Variants in EYS observed in about 807,000 individuals in gnomAD.
The protein encoded by EYS is EGF-like photoreceptor maintenance factor.
A neutral mutation model predicts 282.1 loss-of-function variants in EYS; 250 were observed. That is an observed-to-expected ratio of 0.89 (90% confidence interval 0.80 to 0.98). The LOEUF (loss-of-function observed/expected upper bound fraction) is 0.98. Among genes scored for constraint, EYS ranks in the 50% least tolerant of loss-of-function variants. The pLI is 0.00. For synonymous variants in EYS, 1,355 were observed against 1,282.9 expected, an observed-to-expected ratio of 1.06 and a Z score of -1.20; for missense variants, 4,016 against 3,709.0, an observed-to-expected ratio of 1.08 and a Z score of -2.15.
intron 5 of EYS, among the ~76,000 whole-genome samples, chr6:65,458,716 C>T (rs1243704924): frequency 6.6e-6 from 1 of 152,086 alleles, no homozygotes; most frequent in Non-Finnish European, 1.5e-5. Context: ...TATACCCAAT[C>T]TAAGCTACCT....
At chr6:64,584,349 G>T (rs935289149) in intron 26 of EYS, among the ~76,000 whole-genome samples, 6 of 151,678 alleles carry the variant, frequency 4.0e-5, no homozygotes, top group Non-Finnish European at 8.8e-5. Context: ...TTCCATGTCA[G>T]TATTTAATAA....
chr6:65,325,436 G>A (rs915369964), intron 11 of EYS, among the ~76,000 whole-genome samples: 1 of 152,148 alleles, frequency 6.6e-6, no homozygotes, highest in African/African-American at 2.4e-5. Context: ...CAATGGAGTT[G>A]AGAGAAATGA....
chr6:63,827,611 G>A (rs9351028), intron 36 of EYS, among the ~76,000 whole-genome samples: 73,686 of 151,946 alleles, frequency 0.48, 19,787 homozygotes, highest in Non-Finnish European at 0.6. Flanking sequence ...TTGGGAGGCC[G>A]AGGCGGGTGG....
rs543063556 is a variant in EYS at position 63,790,871 on chromosome 6, G to A, written c.7412-1647C>T. ...AGGTTATGGGAGTGGAGCCAGTATTGTGCCAGCCGAGCTGTAAGGTAGTGG... is the reference window on the plus strand; with the variant it reads ...AGGTTATGGGAGTGGAGCCAGTATTATGCCAGCCGAGCTGTAAGGTAGTGG... On this transcript the variant is annotated intron_variant, in intron 37 of 42. Coordinates refer to ENST00000503581, the MANE Select transcript of EYS (RefSeq NM_001142800.2). Among the ~76,000 whole-genome samples the A allele has an allele frequency of 1.4e-3, 212 of 152,286 alleles. 1 individual carries two copies. Among genetic ancestry groups the A allele is most frequent in the Non-Finnish European group, 2.6e-3 (180 of 68,024 alleles).
chr6:63,727,737 A>AAAAATATATATATATATATAT (rs1554164607), intron 41 of EYS, among the ~76,000 whole-genome samples: 7 of 36,720 alleles, frequency 1.9e-4, no homozygotes, highest in East Asian at 1.6e-3. Flanking sequence ...AAAAAAAAAA[A>AAAAATATATATATATATATAT]ATATATATAT....
chr6:65,508,454 A>G (rs1374882932), intron 2 of EYS, among the ~76,000 whole-genome samples: 1 of 151,984 alleles, frequency 6.6e-6, no homozygotes, highest in South Asian at 2.1e-4. Flanking sequence ...CGGGCAGATC[A>G]CGAGGTCAGG....
intron 22 of EYS, among the ~76,000 whole-genome samples, chr6:64,799,951 C>T (rs535006846): frequency 7.9e-5 from 12 of 151,992 alleles, no homozygotes; most frequent in Admixed American, 2.6e-4. Context: ...CATGCCCACA[C>T]ACAAATATAC....
chr6:64,678,967 A>G (rs1158145664), intron 22 of EYS, among the ~76,000 whole-genome samples: 2 of 151,174 alleles, frequency 1.3e-5, no homozygotes, highest in Non-Finnish European at 2.9e-5. Flanking sequence ...AGCCTTGGCG[A>G]TAGAGACTCC....
intron 36 of EYS, among the ~76,000 whole-genome samples, chr6:63,834,284 T>A (rs1372474738): frequency 6.6e-6 from 1 of 152,008 alleles, no homozygotes; most frequent in African/African-American, 2.4e-5. Flanking sequence ...CCCTACAGAA[T>A]GGGAGAAAAT....
At chr6:63,766,146 G>T (rs1769782613) in intron 40 of EYS, among the ~76,000 whole-genome samples, 1 of 151,936 alleles carries the variant, frequency 6.6e-6, no homozygotes. Context: ...TTACAGTTTT[G>T]CTTTGTGGGC....
chr6:63,755,414 A>G (rs561218661), intron 41 of EYS, among the ~76,000 whole-genome samples: 103 of 152,262 alleles, frequency 6.8e-4, no homozygotes, highest in Non-Finnish European at 1.3e-3. Context: ...TGTTTTTGTC[A>G]GGTTTGTCAA....
chr6:65,012,003 C>A (rs1429440954), intron 13 of EYS, among the ~76,000 whole-genome samples: 2 of 152,134 alleles, frequency 1.3e-5, no homozygotes, highest in Non-Finnish European at 2.9e-5. Flanking sequence ...ATTTGATGCT[C>A]CCTATATTTT....
chr6:65,264,082 G>T (rs1165541540), intron 12 of EYS, among the ~76,000 whole-genome samples: 1 of 151,970 alleles, frequency 6.6e-6, no homozygotes, highest in African/African-American at 2.4e-5. Context: ...TAATATCTCT[G>T]CAGTAAATTA....
At chr6:65,266,989 TAG>T (rs1554173094) in intron 12 of EYS, among the ~76,000 whole-genome samples, 31 of 142,040 alleles carry the variant, frequency 2.2e-4, no homozygotes, top group Non-Finnish European at 3.1e-4. Flanking sequence ...TATATATATA[TAG>T]AGAGAGAGAG....
intron 35 of EYS, among the ~76,000 whole-genome samples, chr6:63,920,956 G>T (rs1348881616): frequency 6.6e-6 from 1 of 151,574 alleles, no homozygotes; most frequent in Non-Finnish European, 1.5e-5. Flanking sequence ...GCAGTGGCGC[G>T]ATCTCGGCTC....
At chr6:64,948,622 A>C in intron 14 of EYS, among the ~76,000 whole-genome samples, 1 of 147,742 alleles carries the variant, frequency 6.8e-6, no homozygotes, top group East Asian at 2.0e-4. Flanking sequence ...AAATAATAGT[A>C]AATACTAGTA....
At chr6:65,242,375 C>T (rs1562045037) in intron 12 of EYS, among the ~76,000 whole-genome samples, 1 of 151,902 alleles carries the variant, frequency 6.6e-6, no homozygotes, top group African/African-American at 2.4e-5. Context: ...ATGGTAATGA[C>T]CAATATGTTG....
chr6:64,080,498 C>T (rs556164987), intron 32 of EYS, among the ~76,000 whole-genome samples: 67 of 152,144 alleles, frequency 4.4e-4, no homozygotes, highest in African/African-American at 1.3e-3. Flanking sequence ...TTCTCCCATT[C>T]TGTAGGTTGC....
At chr6:64,947,391 G>T (rs1276849697) in intron 14 of EYS, among the ~76,000 whole-genome samples, 2 of 151,708 alleles carry the variant, frequency 1.3e-5, no homozygotes, top group African/African-American at 4.8e-5. Context: ...ACTGTGCTTT[G>T]GTTGAACAGG....
Sources: allele counts gnomAD v4.1 joint callset (sites outside exome capture counted in the v4.1 genomes callset), GRCh38; gene constraint gnomAD v4.1.1; transcripts MANE v1.5; gene names NCBI Gene and HGNC (gene_info 2026-07-23, HGNC 2026-07-21).